Variants in ZNF804B observed in about 807,000 individuals in gnomAD.
ZNF804B encodes the protein zinc finger 804B.
A neutral mutation model predicts 101.4 loss-of-function variants in ZNF804B; 80 were observed. The ratio of observed to expected loss-of-function variants is 0.79; its 90% CI spans 0.66 to 0.95. The LOEUF (loss-of-function observed/expected upper bound fraction) is 0.95, where lower values mean the gene tolerates loss of function less well. Among genes scored for constraint, ZNF804B ranks in the 40% least tolerant of loss-of-function variants. The pLI is 0.00. For synonymous variants in ZNF804B, 622 were observed against 558.8 expected (o/e 1.11, Z -1.59); for missense variants, 1,673 against 1,561.9 (o/e 1.07, Z -1.20).
Position 88,856,063 on chromosome 7 carries a change from G to A in ZNF804B, c.108+95979G>A, listed in dbSNP as rs562532725. ...TGATGCCTCCAGCTTTGTTCTTTTGGCTTAGGATTGACTTGGCGATGCGGG... is the reference window on the plus strand; with the variant it reads ...TGATGCCTCCAGCTTTGTTCTTTTGACTTAGGATTGACTTGGCGATGCGGG... On this transcript the variant is annotated intron_variant, in intron 1 of 3. Coordinates refer to ENST00000333190, the MANE Select transcript of ZNF804B (RefSeq NM_181646.5). Among the ~76,000 whole-genome samples, 355 of 152,190 alleles carry A rather than the reference G, an allele frequency of 2.3e-3. 3 individuals carry two copies. Among genetic ancestry groups the A allele is most frequent in the African/African-American group, 8.2e-3 (340 of 41,524 alleles).
intron 2 of ZNF804B, among the ~76,000 whole-genome samples, chr7:89,232,191 T>C (rs1789203200): frequency 1.3e-5 from 2 of 152,148 alleles, no homozygotes; most frequent in Non-Finnish European, 2.9e-5. Flanking sequence ...GATGAATGCG[T>C]GGTGCTTGCT....
At chr7:88,802,127 A>G (rs1261189279) in intron 1 of ZNF804B, among the ~76,000 whole-genome samples, 1 of 152,058 alleles carries the variant, frequency 6.6e-6, no homozygotes, top group Non-Finnish European at 1.5e-5. Context: ...GCCTCAAGTG[A>G]AGAAGCTCCT....
intron 1 of ZNF804B, among the ~76,000 whole-genome samples, chr7:89,195,673 G>T (rs1310010322): frequency 6.7e-6 from 1 of 149,268 alleles, no homozygotes; most frequent in Non-Finnish European, 1.5e-5. Context: ...CAAACCAAAA[G>T]CTTCTTAAGC....
intron 1 of ZNF804B, among the ~76,000 whole-genome samples, chr7:88,850,054 T>C (rs1341669028): frequency 6.6e-6 from 1 of 152,098 alleles, no homozygotes; most frequent in Non-Finnish European, 1.5e-5. Flanking sequence ...TAGGAAGAAA[T>C]TCTATATCAG....
At chr7:88,937,376 T>C (rs1210456499) in intron 1 of ZNF804B, among the ~76,000 whole-genome samples, 2 of 152,068 alleles carry the variant, frequency 1.3e-5, no homozygotes, top group African/African-American at 4.8e-5. Context: ...ATAAAGAGCC[T>C]AAGCTTATTC....
chr7:88,786,297 C>G (rs1002810701), intron 1 of ZNF804B, among the ~76,000 whole-genome samples: 1 of 151,934 alleles, frequency 6.6e-6, no homozygotes, highest in South Asian at 2.1e-4. Context: ...TATAGAGAGC[C>G]CTTTATGTGT....
chr7:89,134,951 T>G (rs1481813160), intron 1 of ZNF804B, among the ~76,000 whole-genome samples: 1 of 152,102 alleles, frequency 6.6e-6, no homozygotes, highest in African/African-American at 2.4e-5. Flanking sequence ...TGCATTGACC[T>G]TACTCCTTTC....
intron 1 of ZNF804B, among the ~76,000 whole-genome samples, chr7:88,855,587 G>A (rs1270722276): frequency 1.3e-5 from 2 of 152,252 alleles, no homozygotes; most frequent in South Asian, 2.1e-4. Context: ...TTCTTTTGCT[G>A]TGCAGAAGTT....
intron 1 of ZNF804B, among the ~76,000 whole-genome samples, chr7:89,150,714 C>T (rs1430279705): frequency 2.6e-5 from 4 of 151,926 alleles, no homozygotes; most frequent in Non-Finnish European, 4.4e-5. Flanking sequence ...AAATGCTTAC[C>T]TATCAGTGGA....
intron 1 of ZNF804B, among the ~76,000 whole-genome samples, chr7:89,083,432 C>T (rs1789726931): frequency 6.6e-6 from 1 of 151,244 alleles, no homozygotes; most frequent in Admixed American, 6.6e-5. Context: ...GGGGGAATGT[C>T]TATAATGTTA....
At chr7:88,991,323 A>G (rs981986534) in intron 1 of ZNF804B, among the ~76,000 whole-genome samples, 1 of 152,162 alleles carries the variant, frequency 6.6e-6, no homozygotes, top group African/African-American at 2.4e-5. Context: ...CAAGCCTGCA[A>G]TGTGAACATA....
rs142913705 is a variant in ZNF804B, at chr7:88,830,962, A to G, written c.108+70878A>G. Among the ~76,000 whole-genome samples the G allele has an allele frequency of 3.2e-3, 488 of 152,066 alleles. 3 individuals carry two copies. Among genetic ancestry groups the G allele is most frequent in the African/African-American group, 0.011 (447 of 41,556 alleles). On this transcript the variant is annotated intron_variant, in intron 1 of 3. Coordinates refer to ENST00000333190, the MANE Select transcript of ZNF804B (RefSeq NM_181646.5). Reference sequence around the variant, plus strand: ...TAACAATTCTTTAAGCATTAGGAATATCAGCTCTTTATTTGTGATATATGT... The same window carrying G: ...TAACAATTCTTTAAGCATTAGGAATGTCAGCTCTTTATTTGTGATATATGT...
chr7:88,831,613 G>A (rs1791135715), intron 1 of ZNF804B, among the ~76,000 whole-genome samples: 2 of 151,796 alleles, frequency 1.3e-5, no homozygotes, highest in African/African-American at 4.8e-5. Flanking sequence ...AACTCCCTTT[G>A]AGAATGGATA....
chr7:89,315,883 A>G (rs1790719456), intron 2 of ZNF804B, among the ~76,000 whole-genome samples: 1 of 152,168 alleles, frequency 6.6e-6, no homozygotes, highest in African/African-American at 2.4e-5. Flanking sequence ...GTGCTATATA[A>G]TGATAATTTC....
chr7:88,909,955 T>C (rs1020230894), intron 1 of ZNF804B, among the ~76,000 whole-genome samples: 3 of 151,914 alleles, frequency 2.0e-5, no homozygotes, highest in African/African-American at 7.2e-5. Context: ...TAATGCAGTT[T>C]TAATGCATTT....
At chr7:88,859,832 C>G (rs1791621615) in intron 1 of ZNF804B, among the ~76,000 whole-genome samples, 1 of 151,728 alleles carries the variant, frequency 6.6e-6, no homozygotes, top group South Asian at 2.1e-4. Flanking sequence ...TATTCAGAAA[C>G]AACTTAAAAA....
intron 1 of ZNF804B, among the ~76,000 whole-genome samples, chr7:89,095,656 T>G (rs1789961301): frequency 6.6e-6 from 1 of 152,160 alleles, no homozygotes; most frequent in Non-Finnish European, 1.5e-5. Context: ...TGTTACTAGT[T>G]TAGCGTAAAA....
At chr7:88,851,454 G>C (rs1791449253) in intron 1 of ZNF804B, among the ~76,000 whole-genome samples, 2 of 151,996 alleles carry the variant, frequency 1.3e-5, no homozygotes, top group Non-Finnish European at 2.9e-5. Flanking sequence ...AACAATGCAA[G>C]CTAAAAGACA....
At chr7:88,816,577 T>A (rs1293964798) in intron 1 of ZNF804B, among the ~76,000 whole-genome samples, 1 of 150,990 alleles carries the variant, frequency 6.6e-6, no homozygotes, top group Non-Finnish European at 1.5e-5. Context: ...GCAAAGGATA[T>A]GAACAGACAC....
Sources: allele counts gnomAD v4.1 joint callset (sites outside exome capture counted in the v4.1 genomes callset), GRCh38; gene constraint gnomAD v4.1.1; transcripts MANE v1.5; gene names NCBI Gene and HGNC (gene_info 2026-07-23, HGNC 2026-07-21).